The following TUBB8 variants were observed in gnomAD, a reference collection of about 807,000 sequenced individuals.
TUBB8 encodes the protein tubulin beta-8 chain.
TUBB8 carries 25 observed loss-of-function variants against 33.7 expected under a neutral mutation model. That is an observed-to-expected ratio of 0.74 (90% CI 0.54 to 1.04). The LOEUF is 1.04. Ranked by LOEUF, TUBB8 falls within the 50% of genes least tolerant of loss-of-function variation. The pLI is 0.00. For synonymous variants in TUBB8, 245 were observed against 240.1 expected, an observed-to-expected ratio of 1.02 and a Z score of -0.19; for missense variants, 279 against 608.0, an observed-to-expected ratio of 0.46 and a Z score of 5.69.
At chr10:48,763 G>A (rs782355207) in intron 2 of TUBB8, 38 bp from the exon 3 acceptor site, 11 of 1,607,352 alleles carry the variant, frequency 6.8e-6, no homozygotes, top group Non-Finnish European at 5.1e-6. Flanking sequence ...GGGGAGGGCC[G>A]CGTTCCCAGG....
intron 1 of TUBB8, among the ~76,000 whole-genome samples, chr10:61,159 G>A (rs1305469632): frequency 6.6e-6 from 1 of 151,754 alleles, no homozygotes; most frequent in Non-Finnish European, 1.5e-5. Context: ...GCACCAGCAT[G>A]GCACATGTAT....
At chr10:49,073 G>A (rs1335501107) in intron 1 of TUBB8, 109 bp downstream of exon 1, 24 of 1,358,732 alleles carry the variant, frequency 1.8e-5, no homozygotes, top group Non-Finnish European at 2.0e-5. Context: ...ACCGTCCCCG[G>A]CAGGGAGCCC....
chr10:62,622 C>T (rs1341005103), intron 1 of TUBB8, among the ~76,000 whole-genome samples: 1,459 of 150,528 alleles, frequency 9.7e-3, no homozygotes, highest in African/African-American at 0.034. Context: ...TGCTCATTCA[C>T]TTTTTTTCTT....
intron 1 of TUBB8, among the ~76,000 whole-genome samples, chr10:64,975 T>TAAAAAAAAAAAAAAAAA (rs61340461): frequency 1.3e-3 from 151 of 118,444 alleles, no homozygotes; most frequent in Middle Eastern, 4.5e-3. Flanking sequence ...CCATCTCCAC[T>TAAAAAAAAAAAAAAAAA]AAAAAAAAAA....
In TUBB8 at chr10:72,978, GA is replaced by G. The variant is rs202177649; in HGVS notation, c.-846+990del. 7.7e-3 allele frequency among the ~76,000 whole-genome samples: 1,082 copies of G among 141,158 alleles called. 15 individuals carry two copies. The highest frequency in any genetic ancestry group is 0.025 in the African/African-American group (946 of 37,994). The allele number at this position is 141,158 out of a possible 152,430, so 92.6% of individuals were successfully genotyped here. A position where few individuals can be genotyped will look rare whatever the true frequency, so the allele number is the denominator to read the frequency against. On this transcript the variant is annotated intron_variant, in intron 1 of 3. Coordinates refer to the TUBB8 transcript ENST00000564130. The stretch of plus-strand genomic sequence containing the variant: ...TTATTTAAAATGCTGAAGGCCAAGG[GA>G]AAAAAAAAAAGATTAGTGACTTTCT...
chr10:63,973 G>A lies in TUBB8; in HGVS notation c.-846+9996C>T, dbSNP rs529782199. Among the ~76,000 whole-genome samples the A allele has an allele frequency of 3.1e-4, 47 of 152,264 alleles. No homozygotes were observed. The South Asian group carries it at 8.9e-3, about 29-fold the overall frequency. On this transcript the variant is annotated intron_variant, in intron 1 of 3. Coordinates refer to the TUBB8 transcript ENST00000564130. ...GTGTTCAAAGAGACTTAGGTCCCAA[G>A]CCCAATACACAGTAGCAAACACGTA...
At chr10:52,578 A>C (rs1426101254), upstream of TUBB8, among the ~76,000 whole-genome samples, 2 of 152,270 alleles carry the variant, frequency 1.3e-5, no homozygotes, top group Non-Finnish European at 2.9e-5. Flanking sequence ...TGGAAGGTGC[A>C]GATGTACTCA....
rs782429159 is a variant in TUBB8, at chr10:49,250, G to A, written c.-12C>T. The A allele has an allele frequency of 2.5e-6, 4 of 1,580,394 alleles. No homozygotes were observed. Among genetic ancestry groups the A allele is most frequent in the Non-Finnish European group, 3.4e-6 (4 of 1,163,664 alleles). ...ACGATCTCCCTCATGGCCAAGGCGG[G>A]ATTAGGACGGCAGGAGAAACGTGAG... is the stretch of plus-strand genomic sequence containing the variant. On this transcript the variant is annotated 5_prime_UTR_variant, in exon 1 of 4. Coordinates refer to ENST00000568584, the MANE Select transcript of TUBB8 (RefSeq NM_177987.3).
Position 49,163 on chromosome 10 carries a change from C to CA in TUBB8, c.57+18dup. The CA allele has an allele frequency of 6.4e-7, 1 of 1,562,458 alleles. No individual in the cohort carries two copies. Among genetic ancestry groups the CA allele is most frequent in the Non-Finnish European group, 8.7e-7 (1 of 1,154,400 alleles). ...ACCCGGCAGGCCCGGGCTAGGCCCT[C>CA]AGAGCCCCGGCTGCCAACCTTGGCG... On this transcript the variant is annotated intron_variant, in intron 1 of 3. Coordinates refer to ENST00000568584, the MANE Select transcript of TUBB8 (RefSeq NM_177987.3).
At position 47,597 on chromosome 10, in the gene TUBB8, G is replaced by A. The variant is rs548129954; in HGVS notation, c.795C>T (p.Phe265=). ...TCAGTGGGGCAAAGCCGGGCATGAA[G>A]AAATGCAGCCGGGGAAACGGGACCA... The part of the protein sequence containing the change: ...VNMVPFPRLH[F]FMPGFAPLTS... The change falls in exon 4 of 4, where the codon TTC becomes TTT. Residue 265 remains phenylalanine, a synonymous_variant. Transcript: ENST00000568584. 53 of 1,611,204 alleles carry A rather than the reference G, an allele frequency of 3.3e-5. No individual in the cohort carries two copies. In the East Asian group the frequency reaches 8.0e-4, roughly 24 times the overall value.
intron 1 of TUBB8, among the ~76,000 whole-genome samples, chr10:57,269 T>G (rs1459540243): frequency 6.6e-6 from 1 of 152,242 alleles, no homozygotes; most frequent in Non-Finnish European, 1.5e-5. Context: ...AGGTGCAAAG[T>G]GCAAGCTGTA....
At chr10:55,172 C>T in intron 1 of TUBB8, among the ~76,000 whole-genome samples, 1 of 152,244 alleles carries the variant, frequency 6.6e-6, no homozygotes, top group Admixed American at 6.5e-5. Flanking sequence ...TCTTCCATGA[C>T]AGCAGGCGAG....
chr10:64,510 TCACCC>T (rs1554741326), intron 1 of TUBB8, among the ~76,000 whole-genome samples: 18,068 of 123,158 alleles, frequency 0.15, no homozygotes, highest in African/African-American at 0.27. Flanking sequence ...ACCCTCACCC[TCACCC>T]TAACCCTTAA....
upstream of TUBB8, among the ~76,000 whole-genome samples, chr10:53,375 A>C (rs1834492234): frequency 2.0e-5 from 3 of 152,318 alleles, no homozygotes; most frequent in South Asian, 6.2e-4. Context: ...TGATCTGCCC[A>C]CCTTGGCCTC....
rs545441276 is a variant in TUBB8 at position 59,147 on chromosome 10, T to C, written c.-845-8914A>G. On this transcript the variant is annotated intron_variant, in intron 1 of 3. Coordinates refer to the TUBB8 transcript ENST00000564130. ...TTTATTATTAAAGAATATTAAATTT[T>C]ATCAAATACTTTTTTAGCATAATGG... 4.6e-5 allele frequency among the ~76,000 whole-genome samples: 7 copies of C among 152,344 alleles called. No homozygotes were observed. In the East Asian group the frequency reaches 1.3e-3, roughly 29 times the overall value.
intron 1 of TUBB8, among the ~76,000 whole-genome samples, chr10:70,364 T>C (rs1407974227): frequency 1.3e-5 from 2 of 152,108 alleles, no homozygotes; most frequent in Non-Finnish European, 2.9e-5. Context: ...ACATGTGCCA[T>C]GCTGGTGTGC....
At chr10:49,608 C>A (rs2131814748), upstream of TUBB8, 2 of 512,884 alleles carry the variant, frequency 3.9e-6, no homozygotes, top group Middle Eastern at 5.6e-4. Flanking sequence ...AGTGCCTTTG[C>A]ACCTGTCCTA....
intron 1 of TUBB8, among the ~76,000 whole-genome samples, chr10:69,757 C>A (rs1834713353): frequency 6.6e-6 from 1 of 152,154 alleles, no homozygotes; most frequent in African/African-American, 2.4e-5. Context: ...ATTAGCTGAG[C>A]ACGGTTGTAT....
chr10:58,660 C>T (rs1238327076), intron 1 of TUBB8, among the ~76,000 whole-genome samples: 1 of 152,100 alleles, frequency 6.6e-6, no homozygotes, highest in Non-Finnish European at 1.5e-5. Flanking sequence ...ATAACCAGGT[C>T]TTATGGGAAC....
Sources: allele counts gnomAD v4.1 joint callset (sites outside exome capture counted in the v4.1 genomes callset), GRCh38; gene constraint gnomAD v4.1.1; transcripts MANE v1.5; gene names NCBI Gene and HGNC (gene_info 2026-07-23, HGNC 2026-07-21).